The following GLIS1 variants were observed in gnomAD, a reference collection of about 807,000 sequenced individuals.
The protein encoded by GLIS1 is zinc finger protein GLIS1.
A neutral mutation model predicts 63.8 loss-of-function variants in GLIS1; 24 were observed. That is an observed-to-expected ratio of 0.38 (90% CI 0.27 to 0.53). The LOEUF is 0.53. Among genes scored for constraint, GLIS1 ranks in the 20% least tolerant of loss-of-function variants. The probability of loss-of-function intolerance (pLI) is 0.85; values close to 1 mark genes in which losing one functional copy is unlikely to be tolerated. For synonymous variants in GLIS1, 450 were observed against 482.5 expected (o/e 0.93, Z 0.88); for missense variants, 1,036 against 1,074.1 (o/e 0.96, Z 0.50).
intron 2 of GLIS1, among the ~76,000 whole-genome samples, chr1:53,648,567 A>G (rs1645872022): frequency 6.6e-6 from 1 of 152,230 alleles, no homozygotes; most frequent in East Asian, 1.9e-4. Context: ...TATATTCATC[A>G]TAATGTAAAT....
chr1:53,726,321 T>G (rs1646805453), intron 2 of GLIS1, among the ~76,000 whole-genome samples: 1 of 152,192 alleles, frequency 6.6e-6, no homozygotes, highest in Non-Finnish European at 1.5e-5. Context: ...CTTTCTCATC[T>G]GCAAAATAAG....
At chr1:53,566,621 G>T (rs2100453224) in intron 4 of GLIS1, among the ~76,000 whole-genome samples, 1 of 152,308 alleles carries the variant, frequency 6.6e-6, no homozygotes, top group Middle Eastern at 3.4e-3. Flanking sequence ...TATTTCGGGG[G>T]AAGGGCCTGG....
rs1644302503 is a variant in GLIS1, at chr1:53,511,943, G to A, written c.1884-1916C>T. ...CCTTCTCGGTCACCCGGTGCCCAGC[G>A]CTGGGCATGGCACACAGTGAAAAAC... On this transcript the variant is annotated intron_variant, in intron 8 of 10. Coordinates refer to ENST00000628545, the MANE Select transcript of GLIS1 (RefSeq NM_001367484.1). This position sits in a 1 kb window ranked among gnomAD's most constrained non-coding sequence, Gnocchi z 4.2. Among the ~76,000 whole-genome samples the A allele has an allele frequency of 6.6e-6, 1 of 152,212 alleles. No homozygotes were observed. The highest frequency in any genetic ancestry group is 2.4e-5 in the African/African-American group (1 of 41,452).
intron 2 of GLIS1, among the ~76,000 whole-genome samples, chr1:53,618,125 G>T (rs1013610849): frequency 2.2e-4 from 34 of 152,248 alleles, no homozygotes; most frequent in African/African-American, 8.0e-4. Context: ...AAGGGACCTC[G>T]GCAGGGACAG....
chr1:53,553,256 CA>C (rs1432112077), intron 4 of GLIS1, among the ~76,000 whole-genome samples: 1 of 152,146 alleles, frequency 6.6e-6, no homozygotes, highest in Non-Finnish European at 1.5e-5. Flanking sequence ...TTCCCCAGCA[CA>C]GGAATCCACT....
At chr1:53,549,787 A>G (rs1432618911) in intron 4 of GLIS1, among the ~76,000 whole-genome samples, 1 of 152,198 alleles carries the variant, frequency 6.6e-6, no homozygotes, top group African/African-American at 2.4e-5. Flanking sequence ...TTGTATGTGT[A>G]TTAAGTATTT....
In GLIS1 at chr1:53,514,774, A is replaced by G; in HGVS notation, c.1734T>C (p.Tyr578=). ...CGTTATGGGGGGTGATGGAGCCAGG[A>G]TACACACCTGCAGGGAATCAAACAA... ...GLGQELLPGV[Y]PGSITPHNGL... is the part of the protein sequence containing the mutation. Residue 578 remains tyrosine, a synonymous_variant, in exon 8 of 11, where the codon TAT becomes TAC. Coordinates refer to ENST00000628545, the MANE Select transcript of GLIS1 (RefSeq NM_001367484.1). 6.3e-7 allele frequency: 1 copy of G among 1,592,248 alleles called. No individual in the cohort carries two copies. Among genetic ancestry groups the G allele is most frequent in the Non-Finnish European group, 8.5e-7 (1 of 1,169,590 alleles).
At chr1:53,606,800 C>T (rs950388554) in intron 2 of GLIS1, among the ~76,000 whole-genome samples, 4 of 152,242 alleles carry the variant, frequency 2.6e-5, no homozygotes, top group African/African-American at 9.6e-5. Context: ...GGCCTCACGC[C>T]GGGCTTCTGC....
chr1:53,684,384 G>C (rs1177167439), intron 2 of GLIS1, among the ~76,000 whole-genome samples: 1 of 152,186 alleles, frequency 6.6e-6, no homozygotes, highest in Non-Finnish European at 1.5e-5. Flanking sequence ...GAAGCCTCTA[G>C]GGGTCTCCCT....
At chr1:53,676,079 G>C (rs187664593) in intron 2 of GLIS1, among the ~76,000 whole-genome samples, 1 of 151,784 alleles carries the variant, frequency 6.6e-6, no homozygotes, top group African/African-American at 2.4e-5. Context: ...TCACAATTCA[G>C]GGAAAAAAAA....
intron 7 of GLIS1, among the ~76,000 whole-genome samples, chr1:53,517,963 G>T (rs952796307): frequency 5.9e-5 from 9 of 152,248 alleles, no homozygotes; most frequent in African/African-American, 2.2e-4. Context: ...CGGAAGTGGG[G>T]ACGCCACGGG....
chr1:53,519,526 T>C (rs184092271), intron 7 of GLIS1, among the ~76,000 whole-genome samples: 9 of 152,314 alleles, frequency 5.9e-5, no homozygotes, highest in African/African-American at 1.9e-4. Context: ...GTGGTTTCTT[T>C]AGGGGAGTCG....
intron 4 of GLIS1, among the ~76,000 whole-genome samples, chr1:53,567,956 A>G (rs779046369): frequency 6.6e-6 from 1 of 152,220 alleles, no homozygotes; most frequent in Non-Finnish European, 1.5e-5. Context: ...AAAAGGGGAA[A>G]TGTGGGGTTG....
At chr1:53,626,453 C>T (rs1441366822) in intron 2 of GLIS1, among the ~76,000 whole-genome samples, 1 of 152,236 alleles carries the variant, frequency 6.6e-6, no homozygotes, top group Non-Finnish European at 1.5e-5. Context: ...ACTCCCCAGC[C>T]TGCATCCAGG....
In GLIS1 at chr1:53,649,022, T is replaced by C. The variant is rs558726357; in HGVS notation, c.260-48744A>G. On this transcript the variant is annotated intron_variant, in intron 2 of 10. Transcript: ENST00000628545. ...TGAACTGCACGGATCTACTTATTCA[T>C]GGATTTTTTTTCAATAAATATATTA... Among the ~76,000 whole-genome samples, 27 of 152,390 alleles carry C rather than the reference T, an allele frequency of 1.8e-4. No homozygotes were observed. In the South Asian group the frequency reaches 5.6e-3, roughly 32 times the overall value.
intron 4 of GLIS1, among the ~76,000 whole-genome samples, chr1:53,550,221 A>G (rs548544003): frequency 6.6e-6 from 1 of 152,346 alleles, no homozygotes; most frequent in Admixed American, 6.5e-5. Flanking sequence ...TGGCTCAGGA[A>G]CCGACCCACT....
chr1:53,610,805 TG>T (rs1645417488), intron 2 of GLIS1, among the ~76,000 whole-genome samples: 1 of 152,230 alleles, frequency 6.6e-6, no homozygotes, highest in Admixed American at 6.5e-5. Context: ...CAACAATGTA[TG>T]TTAGGTCCTT....
intron 2 of GLIS1, among the ~76,000 whole-genome samples, chr1:53,636,777 G>A (rs1251999907): frequency 6.6e-6 from 1 of 152,166 alleles, no homozygotes; most frequent in African/African-American, 2.4e-5. Context: ...GGCCTTCTGG[G>A]AGCCCATGCA....
chr1:53,732,802 TAA>T (rs10717170), intron 2 of GLIS1, among the ~76,000 whole-genome samples: 2,413 of 148,734 alleles, frequency 0.016, 37 homozygotes, highest in African/African-American at 0.046. Context: ...AAATCTATAT[TAA>T]AAAAAAAAAA....
Sources: gnomAD v4.1 joint callset for allele counts (sites outside exome capture counted in the v4.1 genomes callset) on GRCh38, gnomAD v4.1.1 for gene constraint, Gnocchi (gnomAD v3.1) non-coding constraint, MANE v1.5 for transcripts, NCBI Gene and HGNC (gene_info 2026-07-23, HGNC 2026-07-21) for gene names.